FAM227B: variants seen among roughly 807,000 people sequenced by gnomAD.
The protein encoded by FAM227B is family with sequence similarity 227 member B.
FAM227B carries 88 observed loss-of-function variants against 73.8 expected under a neutral mutation model. The observed-to-expected ratio is 1.19, with a 90% CI of 1.00 to 1.42. The LOEUF (loss-of-function observed/expected upper bound fraction) is 1.42, where lower values mean the gene tolerates loss of function less well. FAM227B is among the 40% of genes most tolerant of loss of function. The probability of loss-of-function intolerance (pLI) is 0.00; values close to 1 mark genes in which losing one functional copy is unlikely to be tolerated. For synonymous variants in FAM227B, 210 were observed against 190.5 expected, an observed-to-expected ratio of 1.10 and a Z score of -0.84; for missense variants, 632 against 590.9, an observed-to-expected ratio of 1.07 and a Z score of -0.72.
intron 11 of FAM227B, among the ~76,000 whole-genome samples, chr15:49,490,869 C>T (rs187013956): frequency 3.3e-5 from 5 of 151,796 alleles, no homozygotes; most frequent in East Asian, 1.9e-4. Flanking sequence ...TATATATCTC[C>T]GATTGTTGAT....
chr15:49,530,863 A>AATAAAT (rs2152224873), intron 10 of FAM227B, among the ~76,000 whole-genome samples: 1 of 124,244 alleles, frequency 8.0e-6, no homozygotes, highest in East Asian at 2.5e-4. Context: ...TGTAAATATA[A>AATAAAT]AGAAATATAA....
intron 8 of FAM227B, among the ~76,000 whole-genome samples, chr15:49,573,844 G>A (rs759844371): frequency 3.9e-5 from 6 of 152,208 alleles, no homozygotes; most frequent in Non-Finnish European, 8.8e-5. Context: ...CTGATTTTCT[G>A]TATATTCTAC....
intron 11 of FAM227B, among the ~76,000 whole-genome samples, chr15:49,379,275 T>C (rs1877076367): frequency 6.6e-6 from 1 of 152,184 alleles, no homozygotes; most frequent in Admixed American, 6.5e-5. Context: ...CTTTTTTTGA[T>C]GTGTCTTTAT....
intron 11 of FAM227B, among the ~76,000 whole-genome samples, chr15:49,381,826 A>G (rs2046555200): frequency 6.6e-6 from 1 of 152,184 alleles, no homozygotes; most frequent in Non-Finnish European, 1.5e-5. Context: ...AGGAGAGTTT[A>G]GTTGCAAATT....
intron 11 of FAM227B, among the ~76,000 whole-genome samples, chr15:49,393,347 T>C (rs1204388533): frequency 1.3e-5 from 2 of 152,204 alleles, no homozygotes; most frequent in Admixed American, 6.5e-5. Flanking sequence ...GGAAAAATGC[T>C]AGCAGAAGTC....
At chr15:49,331,230 T>A (rs1316880673) in intron 15 of FAM227B, 28 of 153,070 alleles carry the variant, frequency 1.8e-4, no homozygotes, top group Admixed American at 1.8e-3. Context: ...AGTCTCTACA[T>A]GTTCTTGTCT....
chr15:49,349,395 G>C (rs191185187), intron 13 of FAM227B, among the ~76,000 whole-genome samples: 7 of 152,164 alleles, frequency 4.6e-5, no homozygotes, highest in African/African-American at 1.7e-4. Flanking sequence ...TCAAAGTTTA[G>C]AACAGCTTCA....
intron 11 of FAM227B, among the ~76,000 whole-genome samples, chr15:49,451,034 G>T (rs566447954): frequency 2.2e-4 from 34 of 151,260 alleles, no homozygotes; most frequent in East Asian, 7.8e-4. Context: ...CTAAAAACTG[G>T]TTTTTTTTTA....
intron 10 of FAM227B, among the ~76,000 whole-genome samples, chr15:49,521,461 C>A (rs146784754): frequency 2.2e-3 from 330 of 152,314 alleles, no homozygotes; most frequent in African/African-American, 7.5e-3. Context: ...CTCTTACTCC[C>A]CTTGTCTACA....
chr15:49,599,149 T>C (rs1391785003), intron 3 of FAM227B, among the ~76,000 whole-genome samples: 1 of 152,080 alleles, frequency 6.6e-6, no homozygotes, highest in East Asian at 1.9e-4. Flanking sequence ...AGATTTTCTA[T>C]TTTTCATGAT....
At position 49,328,091 on chromosome 15, in the gene FAM227B, G is replaced by C. The variant is rs757133440; in HGVS notation, c.*477C>G. On this transcript the variant is annotated 3_prime_UTR_variant, in exon 16 of 16. Coordinates refer to ENST00000299338, the MANE Select transcript of FAM227B (RefSeq NM_152647.3). ...TTACCAGAGGAGTGATGGAAGCTTA[G>C]CACCGGAGAAGCAAAGTTTGTTTGC... 6.2e-7 allele frequency: 1 copy of C among 1,614,002 alleles called. No homozygotes were observed. The highest frequency in any genetic ancestry group is 8.5e-7 in the Non-Finnish European group (1 of 1,180,004).
intron 11 of FAM227B, among the ~76,000 whole-genome samples, chr15:49,407,019 G>T (rs908285631): frequency 6.6e-6 from 1 of 152,100 alleles, no homozygotes; most frequent in African/African-American, 2.4e-5. Context: ...GGTTGGACTG[G>T]CCCCGTCTGA....
chr15:49,591,429 G>C (rs1325169341), intron 3 of FAM227B, among the ~76,000 whole-genome samples: 1 of 107,312 alleles, frequency 9.3e-6, no homozygotes, highest in Admixed American at 1.4e-4. Flanking sequence ...TCCTTCCTCA[G>C]CCTCCCAAAG....
At chr15:49,389,296 A>T (rs1424187547) in intron 11 of FAM227B, among the ~76,000 whole-genome samples, 1 of 151,982 alleles carries the variant, frequency 6.6e-6, no homozygotes, top group East Asian at 1.9e-4. Flanking sequence ...CACACCATGG[A>T]CTACTCAGCC....
intron 11 of FAM227B, among the ~76,000 whole-genome samples, chr15:49,376,564 C>A (rs1245527289): frequency 6.6e-6 from 1 of 152,052 alleles, no homozygotes; most frequent in Non-Finnish European, 1.5e-5. Context: ...AGTCTTCCAA[C>A]CTTGTTCTTC....
chr15:49,547,376 A>G (rs4340273), intron 9 of FAM227B, among the ~76,000 whole-genome samples: 132,981 of 147,928 alleles, frequency 0.9, 60,975 homozygotes, highest in East Asian at 0.98. Context: ...ATCAACTAAC[A>G]AGCAAAATAA....
intron 11 of FAM227B, chr15:49,484,194 T>G: frequency 1.5e-6 from 1 of 646,548 alleles, no homozygotes; most frequent in Non-Finnish European, 2.6e-6. Flanking sequence ...AATCTGAGGG[T>G]TAAAAAAAGT....
Position 49,566,796 on chromosome 15 carries a change from T to C in FAM227B, c.747+1449A>G, listed in dbSNP as rs2074696598. On this transcript the variant is annotated intron_variant, in intron 9 of 15. Transcript: ENST00000299338. ...ATCTTGTCTGTTCTCAAATGAGGCT[T>C]TGCAACTTAATTAAACAACTTCTAA... 2.0e-5 allele frequency among the ~76,000 whole-genome samples: 3 copies of C among 152,168 alleles called. No homozygotes were observed. The South Asian group carries it at 6.2e-4, about 32-fold the overall frequency.
chr15:49,369,931 C>T (rs987310456), intron 12 of FAM227B, among the ~76,000 whole-genome samples: 7 of 152,028 alleles, frequency 4.6e-5, no homozygotes, highest in Admixed American at 6.6e-5. Context: ...CAGAGCTCTT[C>T]ATAATTAGGT....
Sources: gnomAD v4.1 joint callset for allele counts (sites outside exome capture counted in the v4.1 genomes callset) on GRCh38, gnomAD v4.1.1 for gene constraint, MANE v1.5 for transcripts, NCBI Gene and HGNC (gene_info 2026-07-23, HGNC 2026-07-21) for gene names.